C12orf54: variants seen among roughly 807,000 people sequenced by gnomAD.
C12orf54 encodes uncharacterized protein C12orf54.
A neutral mutation model predicts 26.4 loss-of-function variants in C12orf54; 24 were observed. That is an observed-to-expected ratio of 0.91 (90% CI 0.66 to 1.28). The LOEUF is 1.28. Ranked by LOEUF, C12orf54 falls within the 50% of genes most tolerant of loss-of-function variation. C12orf54 has a pLI of 0.00. For missense variants in C12orf54, 154 were observed against 150.9 expected (o/e 1.02, Z -0.11); for synonymous variants, 54 against 47.0 (o/e 1.15, Z -0.61).
At chr12:48,483,429 C>G in intron 2 of C12orf54, 68 bp downstream of exon 2, 1 of 1,471,574 alleles carries the variant, frequency 6.8e-7, no homozygotes, top group Middle Eastern at 1.7e-4. Context: ...AGAACCAGGG[C>G]CTCCTGTCTT....
upstream of C12orf54, among the ~76,000 whole-genome samples, chr12:48,481,604 G>A (rs1172674779): frequency 7.2e-5 from 11 of 152,144 alleles, no homozygotes; most frequent in South Asian, 2.1e-4. Context: ...CCGAGCCAAT[G>A]TTGACACCTC....
upstream of C12orf54, among the ~76,000 whole-genome samples, chr12:48,479,694 G>A (rs1420549919): frequency 1.3e-5 from 2 of 151,596 alleles, no homozygotes; most frequent in Non-Finnish European, 2.9e-5. Flanking sequence ...GCAATTCCTA[G>A]TGAATGTACA....
the C12orf54 span, among the ~76,000 whole-genome samples, chr12:48,475,495 G>A: frequency 8.0e-4 from 120 of 150,648 alleles, no homozygotes; most frequent in Non-Finnish European, 1.6e-3. Context: ...TAAAAGCTTT[G>A]AAAAAAAAAT....
At chr12:48,465,274 A>G in the C12orf54 span, among the ~76,000 whole-genome samples, 5 of 152,236 alleles carry the variant, frequency 3.3e-5, no homozygotes, top group Admixed American at 3.3e-4. Context: ...ACATGTCTCA[A>G]AAGAAGACAT....
chr12:48,444,637 A>C, the C12orf54 span, among the ~76,000 whole-genome samples: 3 of 152,178 alleles, frequency 2.0e-5, no homozygotes, highest in Non-Finnish European at 4.4e-5. Context: ...TATTTTTTTT[A>C]ACCCGCTGCT....
chr12:48,484,617 C>T (rs80091977), intron 2 of C12orf54, among the ~76,000 whole-genome samples: 2,669 of 152,298 alleles, frequency 0.018, 35 homozygotes, highest in Non-Finnish European at 0.026. Flanking sequence ...AAGATTACTC[C>T]TCTTGTTTTA....
In C12orf54 at chr12:48,483,237, C is replaced by T; in HGVS notation, c.-57-3C>T. ...CTCCGCATATTCATTTATGCCTCTCCAGGGCCTGGAGCTATCTCCATCTTC... is the reference window on the plus strand; with the variant it reads ...CTCCGCATATTCATTTATGCCTCTCTAGGGCCTGGAGCTATCTCCATCTTC... On this transcript the variant is annotated splice_region_variant and splice_polypyrimidine_tract_variant and intron_variant, in intron 1 of 8. Transcript: ENST00000548364. The T allele has an allele frequency of 1.3e-6, 2 of 1,500,446 alleles. No homozygotes were observed. Among genetic ancestry groups the T allele is most frequent in the South Asian group, 1.1e-5 (1 of 87,904 alleles). 92.9% of individuals were successfully genotyped at this position (1,500,446 alleles called of 1,614,324 possible). A position where few individuals can be genotyped will look rare whatever the true frequency, so the allele number is the denominator to read the frequency against.
intron 4 of C12orf54, 59 bp from the exon 5 acceptor site, chr12:48,488,865 C>T: frequency 7.1e-7 from 1 of 1,407,308 alleles, no homozygotes; most frequent in Middle Eastern, 1.8e-4. Context: ...TGTGAAATCC[C>T]TCTGTAATAA....
At chr12:48,452,045 G>T in the C12orf54 span, among the ~76,000 whole-genome samples, 2 of 152,098 alleles carry the variant, frequency 1.3e-5, no homozygotes, top group African/African-American at 4.8e-5. Flanking sequence ...TAAGCAAAAA[G>T]AACAAAGCTG....
chr12:48,493,031 T>C, intron 7 of C12orf54, 36 bp downstream of exon 7: 1 of 1,584,666 alleles, frequency 6.3e-7, no homozygotes, highest in Non-Finnish European at 8.7e-7. Flanking sequence ...TCAAGGGAGA[T>C]GGCACCCACC....
chr12:48,473,492 G>GT, the C12orf54 span: 3 of 416,312 alleles, frequency 7.2e-6, no homozygotes, highest in African/African-American at 6.2e-5. Flanking sequence ...CTCCAATCCT[G>GT]CCCCCTGAAA....
chr12:48,489,393 CTCT>C (rs1035860843), intron 5 of C12orf54: 4 of 288,032 alleles, frequency 1.4e-5, no homozygotes, highest in South Asian at 3.6e-5. Flanking sequence ...CTCTCCTCGG[CTCT>C]TCTTCTATAG....
the C12orf54 span, among the ~76,000 whole-genome samples, chr12:48,444,388 G>T: frequency 1.3e-5 from 2 of 152,302 alleles, no homozygotes; most frequent in Admixed American, 1.3e-4. Context: ...AAAAAGAAAG[G>T]TCTCCTCTTT....
At chr12:48,443,289 A>G in the C12orf54 span, among the ~76,000 whole-genome samples, 1 of 152,218 alleles carries the variant, frequency 6.6e-6, no homozygotes, top group African/African-American at 2.4e-5. Flanking sequence ...TGAAGGAAAA[A>G]TAAGATTAAA....
chr12:48,435,640 A>G, the C12orf54 span, among the ~76,000 whole-genome samples: 2 of 152,224 alleles, frequency 1.3e-5, no homozygotes, highest in Non-Finnish European at 2.9e-5. Flanking sequence ...TTCAACCCAG[A>G]ATTTCATATC....
the C12orf54 span, among the ~76,000 whole-genome samples, chr12:48,443,624 A>C: frequency 1.3e-5 from 2 of 152,186 alleles, no homozygotes; most frequent in East Asian, 3.8e-4. Context: ...CTCCAGTCAT[A>C]ATCTCCATGC....
At chr12:48,431,803 G>T in the C12orf54 span, among the ~76,000 whole-genome samples, 1 of 152,064 alleles carries the variant, frequency 6.6e-6, no homozygotes, top group Non-Finnish European at 1.5e-5. Flanking sequence ...GGAATTCTAG[G>T]GCCAAGAATG....
the C12orf54 span, among the ~76,000 whole-genome samples, chr12:48,427,478 C>A: frequency 3.9e-5 from 6 of 152,066 alleles, no homozygotes; most frequent in Admixed American, 6.6e-5. Flanking sequence ...ATTCAGTTTG[C>A]TAGTATTTTG....
chr12:48,418,714 G>A, the C12orf54 span, among the ~76,000 whole-genome samples: 1 of 152,038 alleles, frequency 6.6e-6, no homozygotes, highest in Non-Finnish European at 1.5e-5. Flanking sequence ...AAGGAAACAG[G>A]GACACAAGGA....
Sources: gnomAD v4.1 joint callset for allele counts (sites outside exome capture counted in the v4.1 genomes callset) on GRCh38, gnomAD v4.1.1 for gene constraint, MANE v1.5 for transcripts, NCBI Gene and HGNC (gene_info 2026-07-23, HGNC 2026-07-21) for gene names.